TREH: variants seen among roughly 807,000 people sequenced by gnomAD.
The protein encoded by TREH is trehalase.
A neutral mutation model predicts 80.5 loss-of-function variants in TREH; 69 were observed. The observed-to-expected ratio is 0.86, with a 90% CI of 0.71 to 1.05. The LOEUF is 1.05. Ranked by LOEUF, TREH falls within the 50% of genes least tolerant of loss-of-function variation. TREH has a pLI of 0.00. For synonymous variants in TREH, 309 were observed against 293.5 expected (o/e 1.05, Z -0.54); for missense variants, 716 against 718.8 (o/e 1.00, Z 0.04).
intron 1 of TREH, among the ~76,000 whole-genome samples, chr11:118,667,802 C>T (rs1949392229): frequency 6.6e-6 from 1 of 152,144 alleles, no homozygotes; most frequent in South Asian, 2.1e-4. Context: ...GATAAGTTCC[C>T]CCATCATGGA....
intron 10 of TREH, among the ~76,000 whole-genome samples, 191 bp from the exon 11 acceptor site, chr11:118,660,155 A>AACC (rs1421214828): frequency 1.3e-5 from 2 of 152,192 alleles, no homozygotes; most frequent in African/African-American, 4.8e-5. Context: ...GCTCCCAGGG[A>AACC]ACCACTGGAG....
intron 1 of TREH, among the ~76,000 whole-genome samples, chr11:118,673,149 C>T (rs186092108): frequency 1.2e-4 from 18 of 152,310 alleles, no homozygotes; most frequent in Admixed American, 1.2e-3. Flanking sequence ...TTCAACTGCC[C>T]ATCCCAGTTC....
At chr11:118,675,516 G>A (rs782257214) in intron 1 of TREH, among the ~76,000 whole-genome samples, 10 of 152,088 alleles carry the variant, frequency 6.6e-5, no homozygotes, top group South Asian at 2.1e-4. Context: ...AAAAGCTTAC[G>A]GTTATGCTTA....
chr11:118,666,182 G>A (rs1412987515), intron 1 of TREH, among the ~76,000 whole-genome samples: 3 of 152,084 alleles, frequency 2.0e-5, no homozygotes, highest in Non-Finnish European at 4.4e-5. Context: ...GCAGTGGGCC[G>A]GTATTGCACC....
At chr11:118,659,082 A>G in intron 12 of TREH, 65 bp from the exon 13 acceptor site, 1 of 1,494,266 alleles carries the variant, frequency 6.7e-7, no homozygotes, top group South Asian at 1.1e-5. Context: ...CAGTGGCTGC[A>G]CCCTACTCTC....
At chr11:118,668,560 T>TAAAA (rs1481004092) in intron 1 of TREH, among the ~76,000 whole-genome samples, 1 of 790 alleles carries the variant, frequency 1.3e-3, no homozygotes, top group African/African-American at 3.0e-3. Context: ...AGACTCTGTC[T>TAAAA]CAAAAAAAAA....
At position 118,658,381 on chromosome 11, in the gene TREH, G is replaced by T. The variant is rs782326231; in HGVS notation, c.1660C>A (p.Leu554Met). The T allele has an allele frequency of 1.2e-6, 2 of 1,609,304 alleles. No individual in the cohort carries two copies. Among genetic ancestry groups the T allele is most frequent in the Non-Finnish European group, 8.5e-7 (1 of 1,178,446 alleles). ...LMLLDRYGDR[L>M]TSGAKLAFLE... ...AAAGCCAGCTTGGCCCCTGAGGTCAGCCGGTCACCATAGCGGTCCAGCAGC... is the reference window on the plus strand; with the variant it reads ...AAAGCCAGCTTGGCCCCTGAGGTCATCCGGTCACCATAGCGGTCCAGCAGC... The change falls in exon 15 of 15, where the codon CTG (leucine) becomes ATG (methionine). Residue 554 changes from leucine (L) to methionine (M), a missense_variant. By Grantham distance (15) the Leu-to-Met change is conservative. Transcript: ENST00000264029.
At chr11:118,676,484 C>G (rs1949479993) in intron 1 of TREH, among the ~76,000 whole-genome samples, 1 of 150,434 alleles carries the variant, frequency 6.6e-6, no homozygotes, top group Admixed American at 6.6e-5. Flanking sequence ...AAAAAGCAAT[C>G]AGGCCAGGTG....
Position 118,661,422 on chromosome 11 carries a change from C to T in TREH, c.705G>A (p.Leu235=). Residue 235 remains leucine (L), a synonymous_variant, in exon 7 of 15, where the codon TTG becomes TTA. Transcript: ENST00000264029. The surrounding 1 kb of genome is among the most constrained non-coding windows in gnomAD (Gnocchi z 4.2). ...GAAAGGCGGTGTCATTGGTGTGAGTCAAGTAGCAATCCATCATGAGGGTCA... is the reference window on the plus strand; with the variant it reads ...GAAAGGCGGTGTCATTGGTGTGAGTTAAGTAGCAATCCATCATGAGGGTCA... ...PLLTLMMDCY[L]THTNDTAFLQ... The T allele has an allele frequency of 6.2e-7, 1 of 1,613,946 alleles. No individual in the cohort carries two copies. The highest frequency in any genetic ancestry group is 2.2e-5 in the East Asian group (1 of 44,862).
intron 13 of TREH, 53 bp from the exon 14 acceptor site, chr11:118,658,786 A>T: frequency 6.2e-7 from 1 of 1,612,044 alleles, no homozygotes; most frequent in Admixed American, 1.7e-5. Flanking sequence ...AGCTCCAGGA[A>T]CAACAAACAA....
intron 4 of TREH, 173 bp downstream of exon 4, chr11:118,662,708 T>G: frequency 1.5e-6 from 1 of 684,040 alleles, no homozygotes; most frequent in Non-Finnish European, 2.4e-6. Context: ...GATGCTGCCC[T>G]TCTGACCTCA....
chr11:118,670,672 T>G (rs776483259), intron 1 of TREH, among the ~76,000 whole-genome samples: 1 of 152,212 alleles, frequency 6.6e-6, no homozygotes, highest in East Asian at 1.9e-4. Flanking sequence ...CCATTGTCAT[T>G]AATAATTAGT....
chr11:118,659,654 C>A, intron 11 of TREH, 93 bp downstream of exon 11: 1 of 1,465,560 alleles, frequency 6.8e-7, no homozygotes, highest in Non-Finnish European at 9.3e-7. Context: ...AGGGGCATAG[C>A]CGGAGGAAGC....
rs573379456 is a variant in TREH, at chr11:118,665,366, G to A, written c.90-1927C>T. Reference sequence around the variant, plus strand: ...AAGAAAAAACTGCAACTGGCTGGGTGCAGTGGCTCACGCCTGTGATCCCAG... The same window carrying A: ...AAGAAAAAACTGCAACTGGCTGGGTACAGTGGCTCACGCCTGTGATCCCAG... On this transcript the variant is annotated intron_variant, in intron 1 of 14. Transcript: ENST00000264029. 1.9e-3 allele frequency among the ~76,000 whole-genome samples: 292 copies of A among 151,976 alleles called. 1 individual carries two copies. Among genetic ancestry groups the A allele is most frequent in the African/African-American group, 6.4e-3 (265 of 41,460 alleles).
rs1555147227 is a variant in TREH, at chr11:118,679,558, G to A, written c.70C>T (p.Leu24=). The A allele has an allele frequency of 1.9e-6, 3 of 1,543,866 alleles. No individual in the cohort carries two copies. The highest frequency in any genetic ancestry group is 3.8e-5 in the Admixed American group (2 of 52,198). Residue 24 remains leucine (L), a synonymous_variant, in exon 1 of 15, where the codon CTA becomes TTA. Coordinates refer to ENST00000264029, the MANE Select transcript of TREH (RefSeq NM_007180.3). ...CCCTACCTCTCACAGGGTGGGGGTAGGGCCTCCTGGGACCCCAGTCCCAGC... is the reference window on the plus strand; with the variant it reads ...CCCTACCTCTCACAGGGTGGGGGTAAGGCCTCCTGGGACCCCAGTCCCAGC... ...LGLGLGSQEA[L]PPPCESEIYC... is the part of the protein sequence containing the mutation.
Position 118,658,386 on chromosome 11 carries a change from T to G in TREH, c.1655A>C (p.Asp552Ala). ...CAGCTTGGCCCCTGAGGTCAGCCGG[T>G]CACCATAGCGGTCCAGCAGCATCAG... ...VVLMLLDRYG[D>A]RLTSGAKLAF... The change falls in exon 15 of 15, where the codon GAC becomes GCC. Residue 552 changes from aspartate (D) to alanine (A), a missense_variant. Transcript: ENST00000264029. 6.2e-7 allele frequency: 1 copy of G among 1,610,086 alleles called. No homozygotes were observed. Among genetic ancestry groups the G allele is most frequent in the Non-Finnish European group, 8.5e-7 (1 of 1,178,866 alleles).
rs987586831 is a variant in TREH at position 118,661,860 on chromosome 11, C to T, written c.524+30G>A. On this transcript the variant is annotated intron_variant, in intron 5 of 14. Coordinates refer to ENST00000264029, the MANE Select transcript of TREH (RefSeq NM_007180.3). This position sits in a 1 kb window ranked among gnomAD's most constrained non-coding sequence, Gnocchi z 4.2. Reference sequence around the variant, plus strand: ...TCTCCACCACTGCCAGTCCTGCAGGCCCCTTGGTCTCTTGGGCCTGGGCGC... The same window carrying T: ...TCTCCACCACTGCCAGTCCTGCAGGTCCCTTGGTCTCTTGGGCCTGGGCGC... The T allele has an allele frequency of 1.3e-6, 2 of 1,568,100 alleles. No homozygotes were observed. Among genetic ancestry groups the T allele is most frequent in the Non-Finnish European group, 1.7e-6 (2 of 1,155,998 alleles).
chr11:118,668,042 T>G (rs1949394497), intron 1 of TREH, among the ~76,000 whole-genome samples: 1 of 152,138 alleles, frequency 6.6e-6, no homozygotes, highest in African/African-American at 2.4e-5. Context: ...TTTTTGTATT[T>G]TAGTAGAGAC....
intron 10 of TREH, among the ~76,000 whole-genome samples, chr11:118,660,240 G>C (rs1949304361): frequency 6.6e-6 from 1 of 152,210 alleles, no homozygotes; most frequent in African/African-American, 2.4e-5. Flanking sequence ...AGCTCTTAGG[G>C]GGTCAAGGGC....
Sources: gnomAD v4.1 joint callset for allele counts (sites outside exome capture counted in the v4.1 genomes callset) on GRCh38, gnomAD v4.1.1 for gene constraint, Gnocchi (gnomAD v3.1) non-coding constraint, MANE v1.5 for transcripts, NCBI Gene and HGNC (gene_info 2026-07-23, HGNC 2026-07-21) for gene names.